The following PBX3 variants were observed in gnomAD, a reference collection of about 807,000 sequenced individuals.
PBX3 encodes the protein PBX homeobox 3, also known as pre-B-cell leukemia transcription factor 3.
Under a neutral mutation model 48.5 loss-of-function variants are expected in PBX3, and 14 were observed. That is an observed-to-expected ratio of 0.29 (90% CI 0.19 to 0.45). PBX3 has a LOEUF of 0.45. Among genes scored for constraint, PBX3 ranks in the 20% least tolerant of loss-of-function variants. The probability of loss-of-function intolerance (pLI) is 1.00; values close to 1 mark genes in which losing one functional copy is unlikely to be tolerated. For missense variants in PBX3, 386 were observed against 546.7 expected (o/e 0.71, Z 2.93); for synonymous variants, 210 against 200.3 (o/e 1.05, Z -0.41).
intron 2 of PBX3, among the ~76,000 whole-genome samples, chr9:125,790,339 A>G (rs925506709): frequency 3.3e-5 from 5 of 150,074 alleles, no homozygotes; most frequent in African/African-American, 9.9e-5. Context: ...TGCAACCTCT[A>G]CCTCCCGGGT....
chr9:125,958,425 T>C (rs1280166285), intron 5 of PBX3, among the ~76,000 whole-genome samples: 1 of 152,178 alleles, frequency 6.6e-6, no homozygotes, highest in African/African-American at 2.4e-5. Flanking sequence ...AGAAGGCTAA[T>C]AGTAGGATGG....
At chr9:125,954,186 G>A (rs1033247492) in intron 5 of PBX3, among the ~76,000 whole-genome samples, 2 of 152,122 alleles carry the variant, frequency 1.3e-5, no homozygotes, top group African/African-American at 4.8e-5. Flanking sequence ...CCTTTAATCA[G>A]CACTGTACAA....
intron 2 of PBX3, among the ~76,000 whole-genome samples, chr9:125,869,515 C>G (rs1055392893): frequency 2.0e-5 from 3 of 152,088 alleles, no homozygotes; most frequent in African/African-American, 7.2e-5. Context: ...AAAACATTCT[C>G]TAAATCAGAG....
intron 2 of PBX3, among the ~76,000 whole-genome samples, chr9:125,775,907 C>T (rs554575744): frequency 6.6e-6 from 1 of 152,304 alleles, no homozygotes; most frequent in African/African-American, 2.4e-5. Context: ...TTTCTTTCAG[C>T]AATGTCTAAT....
chr9:125,879,258 T>C (rs1840326913), intron 2 of PBX3, among the ~76,000 whole-genome samples: 1 of 151,836 alleles, frequency 6.6e-6, no homozygotes, highest in Non-Finnish European at 1.5e-5. Context: ...TTGTATTTTG[T>C]AGTAGAGATG....
At chr9:125,882,038 A>AAAAT (rs1266661076) in intron 2 of PBX3, among the ~76,000 whole-genome samples, 3 of 151,762 alleles carry the variant, frequency 2.0e-5, no homozygotes, top group Non-Finnish European at 2.9e-5. Flanking sequence ...TCATCTCTGC[A>AAAAT]AAATAAATAA....
chr9:125,877,017 C>A (rs1459697226), intron 2 of PBX3, among the ~76,000 whole-genome samples: 4 of 152,002 alleles, frequency 2.6e-5, no homozygotes, highest in Admixed American at 2.6e-4. Flanking sequence ...TGTGATCTGC[C>A]TGCCTTGGCC....
At chr9:125,842,560 G>A (rs12339544) in intron 2 of PBX3, among the ~76,000 whole-genome samples, 10,655 of 152,164 alleles carry the variant, frequency 0.07, 1,170 homozygotes, top group African/African-American at 0.24. Flanking sequence ...GAGTGTGTTA[G>A]CTTAATGGCA....
chr9:125,838,206 A>G (rs1839193427), intron 2 of PBX3, among the ~76,000 whole-genome samples: 1 of 152,106 alleles, frequency 6.6e-6, no homozygotes, highest in African/African-American at 2.4e-5. Flanking sequence ...GTGCGCCACA[A>G]TGCCTGGCTA....
intron 2 of PBX3, among the ~76,000 whole-genome samples, chr9:125,825,089 G>C (rs1443821412): frequency 1.3e-5 from 2 of 152,156 alleles, no homozygotes; most frequent in African/African-American, 4.8e-5. Context: ...TTCGAGACCA[G>C]CCTGGATAAC....
intron 2 of PBX3, among the ~76,000 whole-genome samples, chr9:125,841,633 C>G (rs1377731088): frequency 6.6e-6 from 1 of 152,158 alleles, no homozygotes; most frequent in Non-Finnish European, 1.5e-5. Flanking sequence ...TATAGCTCTG[C>G]TGGTGTATGA....
At chr9:125,790,769 G>A (rs932174216) in intron 2 of PBX3, among the ~76,000 whole-genome samples, 7 of 151,934 alleles carry the variant, frequency 4.6e-5, no homozygotes, top group Non-Finnish European at 1.0e-4. Flanking sequence ...GTCTTACTAT[G>A]TTGCCCGGAC....
At chr9:125,925,864 A>G (rs752752999) in intron 3 of PBX3, among the ~76,000 whole-genome samples, 6 of 152,210 alleles carry the variant, frequency 3.9e-5, no homozygotes, top group Non-Finnish European at 7.3e-5. Context: ...TGGATATGCT[A>G]TTTCTCCTTG....
intron 2 of PBX3, among the ~76,000 whole-genome samples, chr9:125,816,947 C>A (rs1564671256): frequency 6.6e-6 from 1 of 152,112 alleles, no homozygotes; most frequent in South Asian, 2.1e-4. Context: ...TTTGGAGACA[C>A]CAGAGTTCTT....
intron 2 of PBX3, among the ~76,000 whole-genome samples, chr9:125,763,712 A>G (rs1836729661): frequency 1.3e-5 from 2 of 152,200 alleles, no homozygotes; most frequent in Non-Finnish European, 2.9e-5. Flanking sequence ...TGCTTGAAGA[A>G]AGCAATGATT....
intron 2 of PBX3, among the ~76,000 whole-genome samples, chr9:125,839,687 T>C (rs1839234729): frequency 2.0e-5 from 3 of 152,174 alleles, no homozygotes; most frequent in African/African-American, 7.2e-5. Context: ...GTTTTGGATA[T>C]GTATAGTTTT....
At chr9:125,849,620 G>A (rs1839522127) in intron 2 of PBX3, among the ~76,000 whole-genome samples, 1 of 151,860 alleles carries the variant, frequency 6.6e-6, no homozygotes. Flanking sequence ...TCAATATCAT[G>A]TCATAGTTTA....
chr9:125,839,632 G>T (rs902513217), intron 2 of PBX3, among the ~76,000 whole-genome samples: 6 of 152,180 alleles, frequency 3.9e-5, no homozygotes, highest in African/African-American at 1.4e-4. Flanking sequence ...CTGGAAACGA[G>T]AGTCTTTTGG....
intron 2 of PBX3, among the ~76,000 whole-genome samples, chr9:125,883,537 A>C (rs1356145595): frequency 1.3e-5 from 2 of 152,184 alleles, no homozygotes; most frequent in Non-Finnish European, 2.9e-5. Flanking sequence ...TTTTACACCA[A>C]GGACAGAAAT....
Sources: allele counts gnomAD v4.1 joint callset (sites outside exome capture counted in the v4.1 genomes callset), GRCh38; gene constraint gnomAD v4.1.1; transcripts MANE v1.5; gene names NCBI Gene and HGNC (gene_info 2026-07-23, HGNC 2026-07-21).